SLC9A1: variants seen among roughly 807,000 people sequenced by gnomAD.
SLC9A1 encodes the protein sodium/hydrogen exchanger 1.
Under a neutral mutation model 67.9 loss-of-function variants are expected in SLC9A1, and 22 were observed. That is an observed-to-expected ratio of 0.32 (90% CI 0.23 to 0.46). The LOEUF (loss-of-function observed/expected upper bound fraction) is 0.46, where lower values mean the gene tolerates loss of function less well. Ranked by LOEUF, SLC9A1 falls within the 20% of genes least tolerant of loss-of-function variation. The pLI is 1.00. For missense variants in SLC9A1, 686 were observed against 1,094.8 expected (o/e 0.63, Z 5.27); for synonymous variants, 421 against 471.8 (o/e 0.89, Z 1.40).
chr1:27,115,518 G>A (rs1021426075), intron 1 of SLC9A1, among the ~76,000 whole-genome samples: 2 of 152,146 alleles, frequency 1.3e-5, no homozygotes, highest in African/African-American at 4.8e-5. Context: ...TTGCTCAAGA[G>A]GAAAGCTCTC....
At position 27,101,968 on chromosome 1, in the gene SLC9A1, T is replaced by C. The variant is rs774779333; in HGVS notation, c.1935+48A>G. ...GGGCAGGGCTGCCGTAGAGAGGGGC[T>C]GAAGGGCTCCTGTACCCTGGGGGTC... On this transcript the variant is annotated intron_variant, in intron 9 of 11. Coordinates refer to ENST00000263980, the MANE Select transcript of SLC9A1 (RefSeq NM_003047.5). The surrounding 1 kb of genome is among the most constrained non-coding windows in gnomAD (Gnocchi z 4.9). 3.3e-6 allele frequency: 5 copies of C among 1,507,256 alleles called. No individual in the cohort carries two copies. The South Asian group carries it at 4.5e-5, about 14-fold the overall frequency. The allele number at this position is 1,507,256 out of a possible 1,614,324, so 93.4% of individuals were successfully genotyped here.
Position 27,149,211 on chromosome 1 carries a change from G to T in SLC9A1, c.352+4772C>A, listed in dbSNP as rs142683616. On this transcript the variant is annotated intron_variant, in intron 1 of 11. Transcript: ENST00000263980. Reference sequence around the variant, plus strand: ...GGTGCAGTGAGCTGGGCGCTTCTCAGTGCAGGGCCATGTGCATCTGCTGCG... The same window carrying T: ...GGTGCAGTGAGCTGGGCGCTTCTCATTGCAGGGCCATGTGCATCTGCTGCG... 3.2e-3 allele frequency among the ~76,000 whole-genome samples: 492 copies of T among 152,058 alleles called. 1 individual carries two copies. The highest frequency in any genetic ancestry group is 0.011 in the African/African-American group (452 of 41,502).
Position 27,154,496 on chromosome 1 carries a change from A to G in SLC9A1, c.-162T>C. 1.9e-6 allele frequency: 1 copy of G among 529,658 alleles called. No homozygotes were observed. Among genetic ancestry groups the G allele is most frequent in the African/African-American group, 1.9e-5 (1 of 51,698 alleles). 32.8% of individuals were successfully genotyped at this position (529,658 alleles called of 1,614,324 possible). A position where few individuals can be genotyped will look rare whatever the true frequency, so the allele number is the denominator to read the frequency against. ...CATGGAAGCAATTTTCTGGGGGTGG[A>G]GGGAGGCTGGGTTTGCAATCTGGAA... On this transcript the variant is annotated 5_prime_UTR_variant, in exon 1 of 12. Coordinates refer to ENST00000263980, the MANE Select transcript of SLC9A1 (RefSeq NM_003047.5).
rs139127352 is a variant in SLC9A1, at chr1:27,153,691, G to A, written c.352+292C>T. On this transcript the variant is annotated intron_variant, in intron 1 of 11. Coordinates refer to ENST00000263980, the MANE Select transcript of SLC9A1 (RefSeq NM_003047.5). ...CTGGGGGTCTGGCCCAGCCAGAGGA[G>A]ACTTGCCAGTCGTGGAAGCCTTACT... is the stretch of plus-strand genomic sequence containing the variant. Among the ~76,000 whole-genome samples, 685 of 152,364 alleles carry A rather than the reference G, an allele frequency of 4.5e-3. 4 individuals carry two copies. Among genetic ancestry groups the A allele is most frequent in the Middle Eastern group, 0.017 (5 of 294 alleles).
At position 27,137,695 on chromosome 1, in the gene SLC9A1, CG is replaced by C. The variant is rs549921820; in HGVS notation, c.352+16287del. Among the ~76,000 whole-genome samples, 10 of 152,292 alleles carry C rather than the reference CG, an allele frequency of 6.6e-5. No individual in the cohort carries two copies. The South Asian group carries it at 2.1e-3, about 32-fold the overall frequency. The stretch of plus-strand genomic sequence containing the variant: ...CGACCATAGGGTTCAGCAGGGAACA[CG>C]CATGTCCAACCCTGGTGTTCAGCAA... On this transcript the variant is annotated intron_variant, in intron 1 of 11. Transcript: ENST00000263980. The surrounding 1 kb of genome is among the most constrained non-coding windows in gnomAD (Gnocchi z 4.6).
rs562611926 is a variant in SLC9A1 at position 27,154,607 on chromosome 1, G to A, written c.-273C>T. ...CTGGAACTCCGGGCCTGGGAAGGGG[G>A]AGGACGGATGTGGGAAACTGAGCCC... is the stretch of plus-strand genomic sequence containing the variant. On this transcript the variant is annotated 5_prime_UTR_variant, in exon 1 of 12. Transcript: ENST00000263980. The A allele has an allele frequency of 1.9e-4, 77 of 401,452 alleles. 1 individual carries two copies. The South Asian group carries it at 2.8e-3, about 15-fold the overall frequency. The allele number at this position is 401,452 out of a possible 1,614,324, so 24.9% of individuals were successfully genotyped here.
At chr1:27,130,918 C>CA (rs2083379748) in intron 1 of SLC9A1, among the ~76,000 whole-genome samples, 1 of 152,218 alleles carries the variant, frequency 6.6e-6, no homozygotes, top group Non-Finnish European at 1.5e-5. Flanking sequence ...GGGCTCCAGG[C>CA]AGGCTGAGAG....
In SLC9A1 at chr1:27,101,258, C is replaced by T. The variant is rs200610741; in HGVS notation, c.2055G>A (p.Thr685=). 57 of 1,612,200 alleles carry T rather than the reference C, an allele frequency of 3.5e-5. No homozygotes were observed. Among genetic ancestry groups the T allele is most frequent in the East Asian group, 8.9e-5 (4 of 44,860 alleles). ...GTGAGTCCAGCTTGTGGGCTGGCAC[C>T]GTCAGGTAGTTGTTGATCTGACAGA... The part of the protein sequence containing the change: ...QLEQKINNYL[T]VPAHKLDSPT... Residue 685 remains threonine, a synonymous_variant, in exon 11 of 12, where the codon ACG becomes ACA. Coordinates refer to ENST00000263980, the MANE Select transcript of SLC9A1 (RefSeq NM_003047.5). The surrounding 1 kb of genome is among the most constrained non-coding windows in gnomAD (Gnocchi z 4.9).
At position 27,105,944 on chromosome 1, in the gene SLC9A1, T is replaced by G; in HGVS notation, c.1426A>C (p.Met476Leu). 6.2e-7 allele frequency: 1 copy of G among 1,613,614 alleles called. No homozygotes were observed. Among genetic ancestry groups the G allele is most frequent in the South Asian group, 1.1e-5 (1 of 91,078 alleles). ...ATGGCAGTGAGGAACAGGTCACACA[T>G]GGGGAAGTGCTTCTTGTCCAGGAGG... Reference protein sequence around the residue: ...GYLLDKKHFPMCDLFLTAIIT... With the variant: ...GYLLDKKHFPLCDLFLTAIIT... Residue 476 changes from methionine (M) to leucine (L), a missense_variant, in exon 5 of 12, where the codon ATG becomes CTG. This residue lies in a region of SLC9A1 where 168 missense variants were observed against 375.4 expected (regional missense o/e 0.45). Coordinates refer to ENST00000263980, the MANE Select transcript of SLC9A1 (RefSeq NM_003047.5).
rs1255881268 is a variant in SLC9A1 at position 27,137,753 on chromosome 1, CTGTT to C, written c.352+16226_352+16229del. Among the ~76,000 whole-genome samples, 16 of 152,210 alleles carry C rather than the reference CTGTT, an allele frequency of 1.1e-4. No homozygotes were observed. The highest frequency in any genetic ancestry group is 9.2e-4 in the Admixed American group (14 of 15,286). ...GCCTCCCACATGACAGGTCTGGTGA[CTGTT>C]TGCCTGCAGGCGCTGAGGCTCAGCA... On this transcript the variant is annotated intron_variant, in intron 1 of 11. Transcript: ENST00000263980. The surrounding 1 kb of genome is among the most constrained non-coding windows in gnomAD (Gnocchi z 4.6).
At chr1:27,126,408 A>T (rs1156505140) in intron 1 of SLC9A1, among the ~76,000 whole-genome samples, 2 of 152,036 alleles carry the variant, frequency 1.3e-5, no homozygotes, top group African/African-American at 4.8e-5. Flanking sequence ...ACAAACACAA[A>T]AGCACTGGGC....
At chr1:27,116,516 G>T (rs2083273445) in intron 1 of SLC9A1, among the ~76,000 whole-genome samples, 1 of 152,220 alleles carries the variant, frequency 6.6e-6, no homozygotes, top group Non-Finnish European at 1.5e-5. Flanking sequence ...GACCTCGAAG[G>T]CACCATGTGC....
chr1:27,130,540 TG>T (rs2083377771), intron 1 of SLC9A1, among the ~76,000 whole-genome samples: 1 of 152,216 alleles, frequency 6.6e-6, no homozygotes, highest in Non-Finnish European at 1.5e-5. Context: ...CTCCCCAGAC[TG>T]GGTCTAGCCT....
rs761170800 is a variant in SLC9A1, at chr1:27,113,922, G to A, written c.717C>T (p.Pro239=). 1.2e-5 allele frequency: 19 copies of A among 1,614,096 alleles called. 1 individual carries two copies. The highest frequency in any genetic ancestry group is 4.4e-5 in the South Asian group (4 of 91,088). The change falls in exon 2 of 12, where the codon CCC becomes CCT. Residue 239 remains proline (P), a synonymous_variant. Transcript: ENST00000263980. ...LFGSIISAVD[P]VAVLAVFEEI... ...CCTCAAAGACAGCCAGAACCGCCAC[G>A]GGGTCCACGGCCGAGATGATGCTGC...
At position 27,154,192 on chromosome 1, in the gene SLC9A1, C is replaced by G; in HGVS notation, c.143G>C (p.Ser48Thr). The G allele has an allele frequency of 6.2e-7, 1 of 1,614,138 alleles. No individual in the cohort carries two copies. Among genetic ancestry groups the G allele is most frequent in the East Asian group, 2.2e-5 (1 of 44,870 alleles). Residue 48 changes from serine (S) to threonine (T), a missense_variant, in exon 1 of 12, where the codon AGC becomes ACC. Physicochemically the swap from Ser to Thr is moderately conservative, Grantham distance 58. This residue lies in a region of SLC9A1 where 143 missense variants were observed against 166.7 expected (regional missense o/e 0.86). Transcript: ENST00000263980. Reference protein sequence around the residue: ...QLSPTASTIRSSEPPRERSIG... With the variant: ...QLSPTASTIRTSEPPRERSIG... ...CGAGCGTTCTCGTGGTGGCTCTGAG[C>G]TTCGAATGGTGCTGGCAGTTGGGCT... is the stretch of plus-strand genomic sequence containing the variant.
chr1:27,109,493 C>G lies in SLC9A1; in HGVS notation c.1064+34G>C. Reference sequence around the variant, plus strand: ...AAGCTGGCAGCCCCCGCCCCCACCCCGCCAAGCCCACTGCCTGCTGCACGC... The same window carrying G: ...AAGCTGGCAGCCCCCGCCCCCACCCGGCCAAGCCCACTGCCTGCTGCACGC... On this transcript the variant is annotated intron_variant, in intron 3 of 11. Coordinates refer to ENST00000263980, the MANE Select transcript of SLC9A1 (RefSeq NM_003047.5). This position sits in a 1 kb window ranked among gnomAD's most constrained non-coding sequence, Gnocchi z 5.5. 2 of 1,606,178 alleles carry G rather than the reference C, an allele frequency of 1.2e-6. No homozygotes were observed. The highest frequency in any genetic ancestry group is 2.2e-5 in the South Asian group (2 of 90,848).
At position 27,109,757 on chromosome 1, in the gene SLC9A1, C is replaced by T; in HGVS notation, c.834G>A (p.Glu278=). The T allele has an allele frequency of 6.2e-7, 1 of 1,614,036 alleles. No individual in the cohort carries two copies. Residue 278 remains glutamate, a synonymous_variant, in exon 3 of 12, where the codon GAG becomes GAA. Transcript: ENST00000263980. This position sits in a 1 kb window ranked among gnomAD's most constrained non-coding sequence, Gnocchi z 5.5. ...CCACGTGTTCGTAGTTGGCAAACTCCTCAAAGAGGTGATACAGGACCTGGG... is the reference window on the plus strand; with the variant it reads ...CCACGTGTTCGTAGTTGGCAAACTCTTCAAAGAGGTGATACAGGACCTGGG... ...AVTVVLYHLF[E]EFANYEHVGI...
At chr1:27,146,173 C>A (rs755913360) in intron 1 of SLC9A1, among the ~76,000 whole-genome samples, 5 of 152,048 alleles carry the variant, frequency 3.3e-5, no homozygotes, top group African/African-American at 1.2e-4. Flanking sequence ...GTGTGCTGAG[C>A]GAGCCTTCTC....
In SLC9A1 at chr1:27,101,802, G is replaced by A; in HGVS notation, c.1960C>T (p.Leu654=). ...GCTTCCTCGTAGGGGTCTGCCACCA[G>A]CGTGTGTCTGTTGTAGGACCGCAGC... ...QRLRSYNRHT[L]VADPYEEAWN... is the part of the protein sequence containing the mutation. The change falls in exon 10 of 12, where the codon CTG becomes TTG. Residue 654 remains leucine, a synonymous_variant. Transcript: ENST00000263980. This position sits in a 1 kb window ranked among gnomAD's most constrained non-coding sequence, Gnocchi z 4.9. 1 of 1,612,520 alleles carries A rather than the reference G, an allele frequency of 6.2e-7. No homozygotes were observed. Among genetic ancestry groups the A allele is most frequent in the South Asian group, 1.1e-5 (1 of 91,012 alleles).
Sources: allele counts gnomAD v4.1 joint callset (sites outside exome capture counted in the v4.1 genomes callset), GRCh38; gene constraint gnomAD v4.1.1; regional missense constraint gnomAD v4.1.1; non-coding constraint Gnocchi (gnomAD v3.1); transcripts MANE v1.5; gene names NCBI Gene and HGNC (gene_info 2026-07-23, HGNC 2026-07-21).